The following PHKA2 variants were observed in gnomAD, a reference collection of about 807,000 sequenced individuals.
The protein encoded by PHKA2 is phosphorylase kinase regulatory subunit alpha 2, also known as phosphorylase b kinase regulatory subunit alpha, liver isoform.
PHKA2 carries 31 observed loss-of-function variants against 102.0 expected under a neutral mutation model. That is an observed-to-expected ratio of 0.30 (90% confidence interval 0.23 to 0.41). The LOEUF (loss-of-function observed/expected upper bound fraction) is 0.41. PHKA2 is among the 10% of genes least tolerant of loss of function. PHKA2 has a pLI of 1.00. For synonymous variants in PHKA2, 455 were observed against 416.2 expected (o/e 1.09, Z -1.13); for missense variants, 858 against 1,023.1 (o/e 0.84, Z 2.20).
At chrX:18,957,721 G>C (rs2048802669) in intron 1 of PHKA2, among the ~76,000 whole-genome samples, 1 of 97,933 alleles carries the variant, frequency 1.0e-5, no homozygotes, top group Admixed American at 1.1e-4. Context: ...TTTTTCCTAT[G>C]TGTTACTAAA....
chrX:18,919,253 G>C (rs965466541), intron 18 of PHKA2, among the ~76,000 whole-genome samples: 3 of 111,638 alleles, frequency 2.7e-5, no homozygotes, highest in Non-Finnish European at 5.6e-5. Flanking sequence ...CTATCTAAAA[G>C]TGAAAAACAG....
At chrX:18,893,693 C>A in intron 32 of PHKA2, 38 bp from the exon 33 acceptor site, 3 of 1,145,464 alleles carry the variant, frequency 2.6e-6, no homozygotes, top group African/African-American at 3.5e-5. Context: ...ATAAGCGGAG[C>A]CCCCACTCCC....
chrX:18,908,578 C>T lies in PHKA2; in HGVS notation c.2360+223G>A, dbSNP rs146023772. Among the ~76,000 whole-genome samples, 518 of 111,729 alleles carry T rather than the reference C, an allele frequency of 4.6e-3. 1 individual carries two copies. The highest frequency in any genetic ancestry group is 0.016 in the African/African-American group (502 of 30,777). Reference sequence around the variant, plus strand: ...AGAGCCCTCCTGAAGGAAATGAGTGCCCTTATAAAAACAATGCCAGAGAGC... The same window carrying T: ...AGAGCCCTCCTGAAGGAAATGAGTGTCCTTATAAAAACAATGCCAGAGAGC... On this transcript the variant is annotated intron_variant, in intron 21 of 32. Transcript: ENST00000379942.
At chrX:18,896,092 G>A (rs1392991815) in intron 30 of PHKA2, 1 of 112,586 alleles carries the variant, frequency 8.9e-6, no homozygotes, top group Non-Finnish European at 1.9e-5. Context: ...CCATGGCTTT[G>A]GGAAGGGGGC....
At chrX:18,945,426 G>A (rs1445752741) in intron 5 of PHKA2, among the ~76,000 whole-genome samples, 1 of 111,940 alleles carries the variant, frequency 8.9e-6, no homozygotes. Flanking sequence ...GTATTCATTT[G>A]TAAGAAACTC....
intron 8 of PHKA2, among the ~76,000 whole-genome samples, chrX:18,940,566 G>T (rs1273545833): frequency 1.8e-5 from 2 of 112,037 alleles, no homozygotes; most frequent in African/African-American, 6.5e-5. Context: ...CTGGTTTTGG[G>T]CTGCAGGCTC....
At chrX:18,969,391 G>A (rs1249993513) in intron 1 of PHKA2, among the ~76,000 whole-genome samples, 2 of 111,360 alleles carry the variant, frequency 1.8e-5, no homozygotes, top group East Asian at 2.8e-4. Flanking sequence ...ATCGTACTTC[G>A]GTGTGCAGCG....
chrX:18,914,560 G>A (rs183672389), intron 19 of PHKA2, among the ~76,000 whole-genome samples: 11 of 111,435 alleles, frequency 9.9e-5, no homozygotes, highest in Middle Eastern at 4.6e-3. Flanking sequence ...GAAGCTATCT[G>A]AGAAGCAGTG....
In PHKA2 at chrX:18,954,269, G is replaced by C. The variant is rs756783644; in HGVS notation, c.222C>G (p.Ala74=). Reference sequence around the variant, plus strand: ...TCACTATTACCTGCTCCAGCTCGTAGGCCTTGGCCTTGTCCTCATCGCGGT... The same window carrying C: ...TCACTATTACCTGCTCCAGCTCGTACGCCTTGGCCTTGTCCTCATCGCGGT... The part of the protein sequence containing the change: ...NADRDEDKAK[A]YELEQNVVKL... The change falls in exon 2 of 33, where the codon GCC becomes GCG. Residue 74 remains alanine, a synonymous_variant. Coordinates refer to ENST00000379942, the MANE Select transcript of PHKA2 (RefSeq NM_000292.3). 2 of 1,211,607 alleles carry C rather than the reference G, an allele frequency of 1.7e-6. No individual in the cohort carries two copies. The highest frequency in any genetic ancestry group is 2.2e-6 in the Non-Finnish European group (2 of 895,247).
chrX:18,918,919 AGT>A lies in PHKA2; in HGVS notation c.1964-67_1964-66del, dbSNP rs1205495800. 5 of 989,995 alleles carry A rather than the reference AGT, an allele frequency of 5.1e-6. No individual in the cohort carries two copies. In the African/African-American group the frequency reaches 9.5e-5, roughly 19 times the overall value. 81.6% of individuals were successfully genotyped at this position (989,995 alleles called of 1,213,427 possible). ...AGCTGTAGAAATATGACTACACAAT[AGT>A]GACCATGGGTAGCAAGCAGCACTGA... On this transcript the variant is annotated intron_variant, in intron 18 of 32. Coordinates refer to ENST00000379942, the MANE Select transcript of PHKA2 (RefSeq NM_000292.3).
At chrX:18,982,194 C>T (rs759461236) in intron 1 of PHKA2, among the ~76,000 whole-genome samples, 21 of 111,723 alleles carry the variant, frequency 1.9e-4, no homozygotes, top group African/African-American at 6.5e-4. Flanking sequence ...ACAAACTGGG[C>T]GAGGGGTCCT....
chrX:18,977,738 C>A (rs1158789427), intron 1 of PHKA2, among the ~76,000 whole-genome samples: 1 of 112,041 alleles, frequency 8.9e-6, no homozygotes, highest in South Asian at 3.6e-4. Context: ...CATACATCAA[C>A]GTATTTTTGG....
chrX:18,911,556 G>A (rs1450330875), intron 19 of PHKA2, among the ~76,000 whole-genome samples: 2 of 111,547 alleles, frequency 1.8e-5, no homozygotes, highest in South Asian at 3.7e-4. Flanking sequence ...TGATACAGCC[G>A]TCTCAGCCTC....
Position 18,954,234 on chromosome X carries a change from C to T in PHKA2, c.237+20G>A. 8.3e-7 allele frequency: 1 copy of T among 1,207,461 alleles called. No individual in the cohort carries two copies. The highest frequency in any genetic ancestry group is 1.1e-6 in the Non-Finnish European group (1 of 891,428). On this transcript the variant is annotated intron_variant, in intron 2 of 32. Transcript: ENST00000379942. The stretch of plus-strand genomic sequence containing the variant: ...AGAAGGTGGCTGAGCAGCCGAGATA[C>T]AGCTGTCAGTCACTATTACCTGCTC...
intron 1 of PHKA2, among the ~76,000 whole-genome samples, chrX:18,978,245 C>T (rs1381087279): frequency 9.0e-6 from 1 of 111,439 alleles, no homozygotes; most frequent in Non-Finnish European, 1.9e-5. Context: ...CACCACTATA[C>T]TAATGAGGAA....
At position 18,899,841 on chromosome X, in the gene PHKA2, A is replaced by G. The variant is rs28403568; in HGVS notation, c.3058-615T>C. Among the ~76,000 whole-genome samples, 746 of 112,039 alleles carry G rather than the reference A, an allele frequency of 6.7e-3. 9 individuals carry two copies. The highest frequency in any genetic ancestry group is 0.042 in the Admixed American group (444 of 10,529). On this transcript the variant is annotated intron_variant, in intron 28 of 32. Coordinates refer to ENST00000379942, the MANE Select transcript of PHKA2 (RefSeq NM_000292.3). The stretch of plus-strand genomic sequence containing the variant: ...CACCTATTACATTTTTGGAACAAAT[A>G]ATATGTTCCTTGACGTAAGTGGTCA...
At chrX:18,971,993 GA>G (rs1206368691) in intron 1 of PHKA2, among the ~76,000 whole-genome samples, 1 of 112,590 alleles carries the variant, frequency 8.9e-6, no homozygotes, top group Admixed American at 9.4e-5. Flanking sequence ...GCATATAGTT[GA>G]ATTTATCAAT....
chrX:18,983,465 C>G (rs1032437638), intron 1 of PHKA2, among the ~76,000 whole-genome samples: 1 of 112,470 alleles, frequency 8.9e-6, no homozygotes. Context: ...ACTGCAGAGT[C>G]CTGCGTAAAC....
At position 18,902,914 on chromosome X, in the gene PHKA2, T is replaced by C. The variant is rs764919544; in HGVS notation, c.2909-1311A>G. On this transcript the variant is annotated intron_variant, in intron 26 of 32. Coordinates refer to ENST00000379942, the MANE Select transcript of PHKA2 (RefSeq NM_000292.3). ...GCAGCATGGTGAGACCTCGTATCTA[T>C]ATTTAATTAGAAATAAATAAATAAA... The C allele has an allele frequency of 3.6e-5, 4 of 112,346 alleles. No homozygotes were observed. In the East Asian group the frequency reaches 1.1e-3, roughly 31 times the overall value. The allele number at this position is 112,346 out of a possible 1,213,427, so 9.3% of individuals were successfully genotyped here. A position where few individuals can be genotyped will look rare whatever the true frequency, so the allele number is the denominator to read the frequency against.
Sources: allele counts gnomAD v4.1 joint callset (sites outside exome capture counted in the v4.1 genomes callset), GRCh38; gene constraint gnomAD v4.1.1; transcripts MANE v1.5; gene names NCBI Gene and HGNC (gene_info 2026-07-23, HGNC 2026-07-21).